The following SCAI variants were observed in gnomAD, a reference collection of about 807,000 sequenced individuals.
SCAI encodes protein SCAI.
Under a neutral mutation model 92.2 loss-of-function variants are expected in SCAI, and 24 were observed. The observed-to-expected ratio is 0.26, with a 90% confidence interval of 0.19 to 0.37. The LOEUF (loss-of-function observed/expected upper bound fraction) is 0.37, where lower values mean the gene tolerates loss of function less well. SCAI is among the 10% of genes least tolerant of loss of function. SCAI has a pLI of 1.00. For missense variants in SCAI, 450 were observed against 736.2 expected, an observed-to-expected ratio of 0.61 and a Z score of 4.50; for synonymous variants, 261 against 258.6, an observed-to-expected ratio of 1.01 and a Z score of -0.09.
Position 125,000,551 on chromosome 9 carries a change from A to G in SCAI, c.1145-561T>C, listed in dbSNP as rs541387378. On this transcript the variant is annotated intron_variant, in intron 12 of 17. Coordinates refer to ENST00000336505, the MANE Select transcript of SCAI (RefSeq NM_001144877.3). ...CTGTATTCCCAGGCTGCAGTGAACT[A>G]TGATCACACCATTGCACTCCAGTCT... Among the ~76,000 whole-genome samples, 184 of 151,860 alleles carry G rather than the reference A, an allele frequency of 1.2e-3. 1 individual carries two copies. The highest frequency in any genetic ancestry group is 1.8e-3 in the Non-Finnish European group (125 of 67,962).
intron 2 of SCAI, among the ~76,000 whole-genome samples, chr9:125,135,891 C>T (rs1588254982): frequency 6.6e-6 from 1 of 150,482 alleles, no homozygotes; most frequent in East Asian, 2.0e-4. Flanking sequence ...ATCACTTGAA[C>T]CCAGGAGGCA....
At chr9:125,024,958 C>T (rs768368022) in intron 6 of SCAI, among the ~76,000 whole-genome samples, 3 of 152,142 alleles carry the variant, frequency 2.0e-5, no homozygotes, top group Non-Finnish European at 2.9e-5. Context: ...CTCCTGGTCT[C>T]GACATAATCC....
At chr9:124,963,757 CAAAAAAAAAAAA>C (rs36017738) in intron 17 of SCAI, among the ~76,000 whole-genome samples, 6 of 52,282 alleles carry the variant, frequency 1.1e-4, no homozygotes, top group South Asian at 2.3e-3. Context: ...GAATCTGTCT[CAAAAAAAAAAAA>C]AAAAAAAAAA....
chr9:124,954,608 A>T (rs1831285705), intron 17 of SCAI, among the ~76,000 whole-genome samples: 1 of 152,212 alleles, frequency 6.6e-6, no homozygotes. Flanking sequence ...ATTAAGATAC[A>T]ATTAACATAC....
intron 2 of SCAI, among the ~76,000 whole-genome samples, chr9:125,127,582 T>C (rs1835304065): frequency 6.6e-6 from 1 of 152,164 alleles, no homozygotes; most frequent in Non-Finnish European, 1.5e-5. Context: ...GTTAATACTT[T>C]TTGCTTACCT....
intron 2 of SCAI, among the ~76,000 whole-genome samples, chr9:125,128,154 C>G (rs1835315613): frequency 6.6e-6 from 1 of 152,068 alleles, no homozygotes; most frequent in African/African-American, 2.4e-5. Flanking sequence ...TCAATACAAA[C>G]AATTTTTAAA....
intron 2 of SCAI, among the ~76,000 whole-genome samples, chr9:125,134,013 C>T (rs966041263): frequency 6.6e-6 from 1 of 152,152 alleles, no homozygotes; most frequent in East Asian, 1.9e-4. Flanking sequence ...TAGTTGAGAA[C>T]CACCCCTTAG....
At chr9:124,995,754 G>T (rs1025961450) in intron 13 of SCAI, among the ~76,000 whole-genome samples, 2 of 152,098 alleles carry the variant, frequency 1.3e-5, no homozygotes, top group African/African-American at 4.8e-5. Flanking sequence ...GCTTCCCAAA[G>T]TGCTAGGATT....
intron 9 of SCAI, among the ~76,000 whole-genome samples, chr9:125,014,234 C>G (rs1273770182): frequency 6.6e-6 from 1 of 152,138 alleles, no homozygotes. Flanking sequence ...AAGAGGAAGT[C>G]AAATTGTCCC....
chr9:125,118,313 A>C (rs1254563442), intron 2 of SCAI, among the ~76,000 whole-genome samples: 2 of 152,114 alleles, frequency 1.3e-5, no homozygotes, highest in Non-Finnish European at 2.9e-5. Flanking sequence ...CAAGAGTTCA[A>C]GACAAACCTC....
At chr9:125,142,440 A>G (rs1835688548) in intron 2 of SCAI, 193 bp downstream of exon 2, 2 of 473,286 alleles carry the variant, frequency 4.2e-6, no homozygotes, top group Non-Finnish European at 7.6e-6. Flanking sequence ...TTAGATACCA[A>G]GAAAAAAAAA....
chr9:125,020,804 TA>T, intron 6 of SCAI, 35 bp from the exon 7 acceptor site: 1 of 920,042 alleles, frequency 1.1e-6, no homozygotes. Context: ...CTCATTAGAT[TA>T]AAAAAGAATG....
chr9:125,003,803 T>C (rs1272497790), intron 9 of SCAI: 2 of 475,020 alleles, frequency 4.2e-6, no homozygotes, highest in Non-Finnish European at 7.5e-6. Flanking sequence ...TTATATTTGC[T>C]TTTTCACATA....
intron 2 of SCAI, among the ~76,000 whole-genome samples, chr9:125,067,686 T>C (rs1365127205): frequency 6.6e-6 from 1 of 152,238 alleles, no homozygotes; most frequent in Non-Finnish European, 1.5e-5. Context: ...TTTCTCATTT[T>C]TGTCTTAATT....
intron 2 of SCAI, among the ~76,000 whole-genome samples, chr9:125,135,971 C>CAAAAA (rs1359728011): frequency 3.7e-5 from 3 of 81,102 alleles, no homozygotes; most frequent in East Asian, 3.9e-4. Context: ...CCATCTCAAA[C>CAAAAA]AAAAAAAAAA....
At chr9:125,048,237 C>A (rs1025884921) in intron 3 of SCAI, among the ~76,000 whole-genome samples, 6 of 152,126 alleles carry the variant, frequency 3.9e-5, no homozygotes, top group African/African-American at 9.7e-5. Flanking sequence ...CTCAGCCTCC[C>A]AAAGTGCTGG....
intron 15 of SCAI, among the ~76,000 whole-genome samples, chr9:124,972,819 T>C (rs1050348967): frequency 6.6e-6 from 1 of 152,222 alleles, no homozygotes; most frequent in Non-Finnish European, 1.5e-5. Context: ...TATGGTTCTA[T>C]GGGCTTAGTA....
intron 2 of SCAI, among the ~76,000 whole-genome samples, chr9:125,101,077 A>G (rs972762670): frequency 2.6e-5 from 4 of 152,092 alleles, no homozygotes; most frequent in Admixed American, 1.3e-4. Flanking sequence ...AACAACAACA[A>G]CAAACCCAAC....
At chr9:124,964,721 T>A (rs2131582085) in intron 17 of SCAI, among the ~76,000 whole-genome samples, 1 of 152,300 alleles carries the variant, frequency 6.6e-6, no homozygotes, top group South Asian at 2.1e-4. Flanking sequence ...TCAAAAAAAC[T>A]TTAAAAGGTA....
Sources: allele counts gnomAD v4.1 joint callset (sites outside exome capture counted in the v4.1 genomes callset), GRCh38; gene constraint gnomAD v4.1.1; transcripts MANE v1.5; gene names NCBI Gene and HGNC (gene_info 2026-07-23, HGNC 2026-07-21).